SLC38A12: variants seen among roughly 807,000 people sequenced by gnomAD.
SLC38A12 encodes putative sodium-coupled neutral amino acid transporter 12.
At chr17:74,800,714 G>A in the SLC38A12 span, among the ~76,000 whole-genome samples, 14 of 152,344 alleles carry the variant, frequency 9.2e-5, no homozygotes, top group East Asian at 1.7e-3. Context: ...TGCTTTCAAC[G>A]TCAGTGGTGC....
the SLC38A12 span, among the ~76,000 whole-genome samples, chr17:74,833,692 G>A: frequency 2.0e-5 from 3 of 152,202 alleles, no homozygotes; most frequent in Non-Finnish European, 4.4e-5. Context: ...ACCAGACCCA[G>A]GGCCCAGGGC....
the SLC38A12 span, chr17:74,839,171 A>G: frequency 2.7e-6 from 4 of 1,503,722 alleles, no homozygotes; most frequent in Non-Finnish European, 2.7e-6. Flanking sequence ...CTGCCAGCTT[A>G]TAGATGGGGC....
the SLC38A12 span, chr17:74,836,270 C>A: frequency 6.2e-7 from 1 of 1,611,780 alleles, no homozygotes; most frequent in Non-Finnish European, 8.5e-7. This position sits in a 1 kb window ranked among gnomAD's most constrained non-coding sequence, Gnocchi z 4.2. Flanking sequence ...TTTTCCTGGG[C>A]CTCTTCCCCG....
the SLC38A12 span, among the ~76,000 whole-genome samples, chr17:74,813,337 T>A: frequency 1.3e-5 from 2 of 152,228 alleles, no homozygotes; most frequent in African/African-American, 4.8e-5. Flanking sequence ...TCTCTGTCAC[T>A]TGGTGCAAAG....
the SLC38A12 span, among the ~76,000 whole-genome samples, chr17:74,793,525 T>C: frequency 6.6e-6 from 1 of 152,242 alleles, no homozygotes; most frequent in Admixed American, 6.5e-5. Context: ...TAGCCATTGA[T>C]GTCTTCTCAG....
At chr17:74,824,274 G>T in the SLC38A12 span, among the ~76,000 whole-genome samples, 1 of 152,202 alleles carries the variant, frequency 6.6e-6, no homozygotes, top group Non-Finnish European at 1.5e-5. Context: ...TGAGCTGGGA[G>T]AATGAAAGGC....
At chr17:74,788,349 C>A in the SLC38A12 span, among the ~76,000 whole-genome samples, 2 of 152,176 alleles carry the variant, frequency 1.3e-5, no homozygotes. Flanking sequence ...TGGGAGGTGA[C>A]CACTCGCCTG....
At chr17:74,780,353 A>C in the SLC38A12 span, among the ~76,000 whole-genome samples, 1 of 152,342 alleles carries the variant, frequency 6.6e-6, no homozygotes, top group South Asian at 2.1e-4. Context: ...TCTCTAGGGC[A>C]TAGGAGAGCA....
the SLC38A12 span, among the ~76,000 whole-genome samples, chr17:74,829,118 C>T: frequency 6.6e-6 from 1 of 152,180 alleles, no homozygotes; most frequent in East Asian, 1.9e-4. The surrounding 1 kb of genome is among the most constrained non-coding windows in gnomAD (Gnocchi z 4.1). Flanking sequence ...TCCTTTTCCA[C>T]GCTAAGTCTT....
chr17:74,783,721 C>CTTTTTTTT, the SLC38A12 span, among the ~76,000 whole-genome samples: 5 of 104,002 alleles, frequency 4.8e-5, no homozygotes, highest in Non-Finnish European at 7.7e-5. Context: ...CATGCTTTTT[C>CTTTTTTTT]TTTTTTTTTT....
the SLC38A12 span, chr17:74,819,614 T>C: frequency 1.3e-6 from 1 of 757,322 alleles, no homozygotes; most frequent in Non-Finnish European, 2.3e-6. Context: ...CCAGGGAGCC[T>C]CTGCCAGTCC....
the SLC38A12 span, among the ~76,000 whole-genome samples, chr17:74,826,762 C>T: frequency 6.6e-6 from 1 of 152,232 alleles, no homozygotes; most frequent in Non-Finnish European, 1.5e-5. Context: ...CTCCAAAGAC[C>T]CTGTCTCCTT....
At chr17:74,829,049 CAT>C in the SLC38A12 span, among the ~76,000 whole-genome samples, 1 of 152,132 alleles carries the variant, frequency 6.6e-6, no homozygotes, top group African/African-American at 2.4e-5. This position sits in a 1 kb window ranked among gnomAD's most constrained non-coding sequence, Gnocchi z 4.1. Flanking sequence ...AAATACTTAA[CAT>C]ATCAAAAATA....
the SLC38A12 span, among the ~76,000 whole-genome samples, chr17:74,798,475 CT>C: frequency 3.9e-5 from 6 of 152,246 alleles, no homozygotes; most frequent in Non-Finnish European, 5.9e-5. Context: ...AACCCCACTC[CT>C]TGTGCCTGAC....
chr17:74,820,672 C>T, the SLC38A12 span, among the ~76,000 whole-genome samples: 1 of 152,182 alleles, frequency 6.6e-6, no homozygotes, highest in East Asian at 1.9e-4. Context: ...TGTCCAGGCT[C>T]CAGGAGCTTG....
chr17:74,836,567 C>T, the SLC38A12 span: 11 of 1,613,240 alleles, frequency 6.8e-6, no homozygotes, highest in Admixed American at 8.3e-5. This position sits in a 1 kb window ranked among gnomAD's most constrained non-coding sequence, Gnocchi z 4.2. Context: ...GCTGTGGGGT[C>T]AGCAACAAGC....
chr17:74,839,299 C>T, the SLC38A12 span: 263 of 936,386 alleles, frequency 2.8e-4, no homozygotes, highest in African/African-American at 3.8e-3. Context: ...GCCTCGGCAA[C>T]AGGCAAAGGC....
chr17:74,791,067 G>A, the SLC38A12 span: 16 of 1,592,748 alleles, frequency 1.0e-5, no homozygotes, highest in African/African-American at 1.3e-5. Context: ...GGGGTGTGGG[G>A]AAACGGGGAG....
At chr17:74,838,358 G>A in the SLC38A12 span, 1 of 996,520 alleles carries the variant, frequency 1.0e-6, no homozygotes, top group African/African-American at 1.7e-5. Flanking sequence ...GAGCAAGGAA[G>A]ACCTGGCTGC....
Sources: allele counts gnomAD v4.1 joint callset (sites outside exome capture counted in the v4.1 genomes callset), GRCh38; gene constraint gnomAD v4.1.1; non-coding constraint Gnocchi (gnomAD v3.1); transcripts MANE v1.5; gene names NCBI Gene and HGNC (gene_info 2026-07-23, HGNC 2026-07-21).